FBXL20: variants seen among roughly 807,000 people sequenced by gnomAD.
FBXL20 encodes F-box/LRR-repeat protein 20.
Under a neutral mutation model 64.0 loss-of-function variants are expected in FBXL20, and 11 were observed. The ratio of observed to expected loss-of-function variants is 0.17; its 90% confidence interval spans 0.11 to 0.28. FBXL20 has a LOEUF of 0.28. Ranked by LOEUF, FBXL20 falls within the 10% of genes least tolerant of loss-of-function variation. FBXL20 has a pLI of 1.00. For synonymous variants in FBXL20, 184 were observed against 189.0 expected (o/e 0.97, Z 0.22); for missense variants, 303 against 526.2 (o/e 0.58, Z 4.15).
chr17:39,298,994 A>G lies in FBXL20; in HGVS notation c.325T>C (p.Leu109=), dbSNP rs2047110877. ...RGCLGVGDNA[L]RTFAQNCRNI... ...AATCAATAGTTATGTTTTTACCTTA[A>G]TGCATTGTCTCCCACTCCAAGACAT... Residue 109 remains leucine (L), a synonymous_variant, in exon 5 of 15, where the codon TTA becomes CTA. Coordinates refer to ENST00000264658, the MANE Select transcript of FBXL20 (RefSeq NM_032875.3). 1 of 1,611,518 alleles carries G rather than the reference A, an allele frequency of 6.2e-7. No homozygotes were observed. Among genetic ancestry groups the G allele is most frequent in the Non-Finnish European group, 8.5e-7 (1 of 1,178,290 alleles).
At chr17:39,272,403 T>A (rs568837968) in intron 10 of FBXL20, among the ~76,000 whole-genome samples, 1,816 of 135,244 alleles carry the variant, frequency 0.013, 42 homozygotes, top group African/African-American at 0.051. Context: ...AAAAAAAAAA[T>A]TTTTTTTTTA....
chr17:39,351,103 G>C lies in FBXL20; in HGVS notation c.43-7862C>G, dbSNP rs149363667. 1.6e-4 allele frequency among the ~76,000 whole-genome samples: 24 copies of C among 152,212 alleles called. No homozygotes were observed. The East Asian group carries it at 4.6e-3, about 29-fold the overall frequency. ...TAATCCCAGCACTTTGGGAGGCTGA[G>C]GTGGGCGGATCACATGAGGTCAGGA... On this transcript the variant is annotated intron_variant, in intron 1 of 14. Coordinates refer to ENST00000264658, the MANE Select transcript of FBXL20 (RefSeq NM_032875.3).
intron 2 of FBXL20, among the ~76,000 whole-genome samples, chr17:39,307,160 A>G (rs2047190765): frequency 6.6e-6 from 1 of 152,238 alleles, no homozygotes; most frequent in Non-Finnish European, 1.5e-5. Context: ...GTTTCATTCA[A>G]AAAACATTTT....
At chr17:39,310,246 T>A (rs1261123858) in intron 2 of FBXL20, among the ~76,000 whole-genome samples, 1 of 151,872 alleles carries the variant, frequency 6.6e-6, no homozygotes, top group African/African-American at 2.4e-5. Context: ...CTGGAACCAA[T>A]GTGTCCAACT....
chr17:39,366,675 C>T (rs1452292539), intron 1 of FBXL20, among the ~76,000 whole-genome samples: 1 of 152,158 alleles, frequency 6.6e-6, no homozygotes, highest in Non-Finnish European at 1.5e-5. Flanking sequence ...GATGAAAATC[C>T]TTTCCACTGA....
intron 1 of FBXL20, among the ~76,000 whole-genome samples, chr17:39,384,714 T>C (rs746345876): frequency 6.6e-6 from 1 of 151,986 alleles, no homozygotes; most frequent in East Asian, 1.9e-4. Context: ...CCCAGCACTT[T>C]GTGAGGCTGA....
At chr17:39,280,231 G>A (rs562828318) in intron 9 of FBXL20, among the ~76,000 whole-genome samples, 5 of 94,322 alleles carry the variant, frequency 5.3e-5, no homozygotes, top group East Asian at 3.4e-4. Flanking sequence ...GCAAGACTCC[G>A]TCTCAAAAAA....
chr17:39,252,888 G>A lies in FBXL20; in HGVS notation c.*8572C>T, dbSNP rs1347901177. ...CCATCCTCAAGCGCCAAAAGTACTG[G>A]GTGGAAACAGTCACTTGGAGAGCTA... On this transcript the variant is annotated 3_prime_UTR_variant, in exon 15 of 15. Transcript: ENST00000264658. The A allele has an allele frequency of 6.6e-6, 1 of 151,696 alleles. No individual in the cohort carries two copies. Among genetic ancestry groups the A allele is most frequent in the Non-Finnish European group, 1.5e-5 (1 of 67,972 alleles). The allele number at this position is 151,696 out of a possible 1,614,324, so 9.4% of individuals were successfully genotyped here.
chr17:39,389,210 T>C (rs2048112841), intron 1 of FBXL20, among the ~76,000 whole-genome samples: 1 of 152,054 alleles, frequency 6.6e-6, no homozygotes, highest in African/African-American at 2.4e-5. Context: ...TGAAGTTTCT[T>C]ATCTCCCTGC....
At chr17:39,340,276 T>A (rs978248999) in intron 2 of FBXL20, among the ~76,000 whole-genome samples, 2 of 152,164 alleles carry the variant, frequency 1.3e-5, no homozygotes, top group Non-Finnish European at 2.9e-5. Flanking sequence ...TTTGTATTTT[T>A]AGTAGAGATG....
intron 1 of FBXL20, among the ~76,000 whole-genome samples, chr17:39,357,187 C>A (rs1368144422): frequency 6.7e-6 from 1 of 150,088 alleles, no homozygotes; most frequent in African/African-American, 2.5e-5. Flanking sequence ...GCAGGAGAAT[C>A]ACTTGAACCC....
At chr17:39,288,434 A>G (rs988512126) in intron 6 of FBXL20, among the ~76,000 whole-genome samples, 2 of 152,066 alleles carry the variant, frequency 1.3e-5, no homozygotes, top group African/African-American at 4.8e-5. Context: ...ATGACCTGCA[A>G]ATACTTTCTC....
upstream of FBXL20, chr17:39,402,154 C>T (rs533078120): frequency 1.6e-6 from 2 of 1,233,484 alleles, no homozygotes; most frequent in South Asian, 8.2e-5. Flanking sequence ...CCACCCAGCT[C>T]CCTTCCCCTG....
At chr17:39,388,054 G>A (rs1000668504) in intron 1 of FBXL20, among the ~76,000 whole-genome samples, 2 of 152,076 alleles carry the variant, frequency 1.3e-5, no homozygotes, top group Middle Eastern at 3.2e-3. Context: ...ACTTCAGAAC[G>A]CCATTTATTG....
intron 2 of FBXL20, among the ~76,000 whole-genome samples, chr17:39,320,256 A>AAGATAC (rs201796221): frequency 6.6e-6 from 1 of 151,956 alleles, no homozygotes; most frequent in East Asian, 1.9e-4. Flanking sequence ...AATCAACTTA[A>AAGATAC]ATTTTTTTGG....
chr17:39,349,324 CAAAAAAAAAAAAAA>C (rs1170336581), intron 1 of FBXL20, among the ~76,000 whole-genome samples: 2 of 40,518 alleles, frequency 4.9e-5, no homozygotes, highest in Non-Finnish European at 8.2e-5. Flanking sequence ...GATTCCATCT[CAAAAAAAAAAAAAA>C]AAAAAAAAAA....
At chr17:39,342,096 T>G (rs1234766631) in intron 2 of FBXL20, among the ~76,000 whole-genome samples, 1 of 152,284 alleles carries the variant, frequency 6.6e-6, no homozygotes, top group East Asian at 1.9e-4. Context: ...GTTTATATAT[T>G]TATGTTATAC....
chr17:39,262,702 T>C (rs1279130918), intron 14 of FBXL20, among the ~76,000 whole-genome samples: 2 of 151,844 alleles, frequency 1.3e-5, no homozygotes, highest in African/African-American at 2.4e-5. Flanking sequence ...TCCAGCTTTT[T>C]AAAACTTCTT....
intron 1 of FBXL20, among the ~76,000 whole-genome samples, chr17:39,393,016 C>T (rs923430537): frequency 1.4e-4 from 20 of 146,374 alleles, no homozygotes; most frequent in African/African-American, 5.1e-4. Flanking sequence ...TAGGCCGGCA[C>T]GGTGGCTCAT....
Sources: gnomAD v4.1 joint callset for allele counts (sites outside exome capture counted in the v4.1 genomes callset) on GRCh38, gnomAD v4.1.1 for gene constraint, MANE v1.5 for transcripts, NCBI Gene and HGNC (gene_info 2026-07-23, HGNC 2026-07-21) for gene names.